The following CEP290 variants were observed in gnomAD, a reference collection of about 807,000 sequenced individuals.
The protein encoded by CEP290 is centrosomal protein of 290 kDa.
Under a neutral mutation model 344.9 loss-of-function variants are expected in CEP290, and 317 were observed. The ratio of observed to expected loss-of-function variants is 0.92; its 90% CI spans 0.84 to 1.01. CEP290 has a LOEUF of 1.01. Ranked by LOEUF, CEP290 falls within the 50% of genes least tolerant of loss-of-function variation. The pLI, the probability that CEP290 is intolerant of heterozygous loss-of-function variation, is 0.00. For synonymous variants in CEP290, 932 were observed against 895.8 expected, an observed-to-expected ratio of 1.04 and a Z score of -0.72; for missense variants, 2,754 against 2,761.4, an observed-to-expected ratio of 1.00 and a Z score of 0.06.
intron 27 of CEP290, 24 bp from the exon 28 acceptor site, chr12:88,093,999 A>G: frequency 6.6e-7 from 1 of 1,525,304 alleles, no homozygotes; most frequent in Non-Finnish European, 8.9e-7. Context: ...TATTTAAGTC[A>G]ATCTCATGCT....
rs551071701 is a variant in CEP290, at chr12:88,089,249, C to T, written c.3812G>A (p.Arg1271Gln). 32 of 1,613,890 alleles carry T rather than the reference C, an allele frequency of 2.0e-5. No individual in the cohort carries two copies. Among genetic ancestry groups the T allele is most frequent in the Admixed American group, 1.2e-4 (7 of 60,014 alleles). ...KHLRQTIQSLRRQFSGALPLA... is the reference protein window; with the variant it reads ...KHLRQTIQSLQRQFSGALPLA... ...GGGTAAAGCTCCACTAAACTGTCGT[C>T]GTAGAGACTGAATTGTTTGGCGCAG... Residue 1271 changes from arginine to glutamine, a missense_variant, in exon 31 of 54, where the codon CGA becomes CAA. Physicochemically the swap from Arg to Gln is conservative, Grantham distance 43 (BLOSUM62 1). Transcript: ENST00000552810.
chr12:88,091,262 C>G (rs527375854), intron 29 of CEP290, among the ~76,000 whole-genome samples: 2 of 152,068 alleles, frequency 1.3e-5, no homozygotes, highest in Non-Finnish European at 2.9e-5. Flanking sequence ...GTACATTTAT[C>G]TAAGACCATC....
intron 31 of CEP290, among the ~76,000 whole-genome samples, chr12:88,088,680 G>GT (rs1328475270): frequency 2.0e-5 from 3 of 152,064 alleles, no homozygotes; most frequent in Admixed American, 2.0e-4. Context: ...AAATTATCAT[G>GT]TAACTCTTTT....
At chr12:88,111,175 C>A in intron 22 of CEP290, 27 bp downstream of exon 22, 1 of 1,285,136 alleles carries the variant, frequency 7.8e-7, no homozygotes, top group South Asian at 2.1e-5. Flanking sequence ...GTAAAATTTT[C>A]AATACCTGTA....
At chr12:88,057,372 G>A (rs1057049885) in intron 49 of CEP290, among the ~76,000 whole-genome samples, 11 of 152,168 alleles carry the variant, frequency 7.2e-5, no homozygotes, top group African/African-American at 2.7e-4. Context: ...GTAAATATCT[G>A]TTGAATAAAT....
chr12:88,112,341 A>C (rs2038749032), intron 20 of CEP290, among the ~76,000 whole-genome samples: 1 of 152,200 alleles, frequency 6.6e-6, no homozygotes, highest in East Asian at 1.9e-4. Context: ...ATGGAATACA[A>C]TATTGAACAA....
At chr12:88,063,823 C>A (rs2034675318) in intron 45 of CEP290, among the ~76,000 whole-genome samples, 158 bp downstream of exon 45, 1 of 152,032 alleles carries the variant, frequency 6.6e-6, no homozygotes, top group Admixed American at 6.5e-5. Context: ...AGGCCTTCAA[C>A]AAATAAATGC....
At chr12:88,072,735 GC>G (rs1487121408) in intron 41 of CEP290, among the ~76,000 whole-genome samples, 2 of 152,064 alleles carry the variant, frequency 1.3e-5, no homozygotes, top group Non-Finnish European at 2.9e-5. Flanking sequence ...CTAACCATGT[GC>G]CAAGTACTAC....
At chr12:88,079,412 A>G (rs1454283906) in intron 38 of CEP290, among the ~76,000 whole-genome samples, 183 bp from the exon 39 acceptor site, 4 of 152,204 alleles carry the variant, frequency 2.6e-5, no homozygotes, top group Admixed American at 2.6e-4. Flanking sequence ...TTTTGTAATT[A>G]CACTCAATTC....
At chr12:88,055,792 CTG>C (rs1169227228) in intron 49 of CEP290, 75 bp from the exon 50 acceptor site, 5 of 1,035,342 alleles carry the variant, frequency 4.8e-6, no homozygotes, top group Non-Finnish European at 6.8e-6. Flanking sequence ...GTTCAAATAA[CTG>C]TACTAAAAAT....
chr12:88,121,696 G>A (rs1165407974), intron 13 of CEP290, among the ~76,000 whole-genome samples: 5 of 151,984 alleles, frequency 3.3e-5, no homozygotes, highest in African/African-American at 7.2e-5. Context: ...AATCCACATG[G>A]ATATGAGGGT....
At chr12:88,090,048 A>G (rs1002414716) in intron 30 of CEP290, among the ~76,000 whole-genome samples, 1 of 151,970 alleles carries the variant, frequency 6.6e-6, no homozygotes, top group Non-Finnish European at 1.5e-5. Flanking sequence ...TTTAACCTCC[A>G]TTGCAAGTAA....
At chr12:88,133,018 ATAAT>A (rs1469112063) in intron 6 of CEP290, among the ~76,000 whole-genome samples, 1 of 150,684 alleles carries the variant, frequency 6.6e-6, no homozygotes, top group Non-Finnish European at 1.5e-5. Flanking sequence ...TTTGCTGAGG[ATAAT>A]GGCTTCCACC....
In CEP290 at chr12:88,087,930, A is replaced by G. The variant is rs771298371; in HGVS notation, c.4044T>C (p.His1348=). 6.0e-6 allele frequency: 7 copies of G among 1,171,416 alleles called. No homozygotes were observed. The East Asian group carries it at 2.2e-4, about 37-fold the overall frequency. The allele number at this position is 1,171,416 out of a possible 1,614,324, so 72.6% of individuals were successfully genotyped here. A position where few individuals can be genotyped will look rare whatever the true frequency, so the allele number is the denominator to read the frequency against. ...TKGAQKVINW[H]MKIEELRLQE... is the part of the protein sequence containing the mutation. ...GAAGACGAAGTTCTTCTATTTTCAT[A>G]TGCCAGTTGATTACCTAAGATTTAC... The change falls in exon 32 of 54, where the codon CAT becomes CAC. Residue 1348 remains histidine (H), a synonymous_variant. Transcript: ENST00000552810.
At position 88,130,938 on chromosome 12, in the gene CEP290, A is replaced by C. The variant is rs541071508; in HGVS notation, c.495+227T>G. On this transcript the variant is annotated intron_variant, in intron 7 of 53. Coordinates refer to ENST00000552810, the MANE Select transcript of CEP290 (RefSeq NM_025114.4). ...AGCAAAGAATGGCTTATAAAACAAC[A>C]AAAAAAGATTTACCCGCATAGACCT... 1.1e-3 allele frequency among the ~76,000 whole-genome samples: 165 copies of C among 152,156 alleles called. 1 individual carries two copies. Among genetic ancestry groups the C allele is most frequent in the African/African-American group, 3.9e-3 (161 of 41,564 alleles).
chr12:88,084,276 G>A (rs1051955962), intron 35 of CEP290, among the ~76,000 whole-genome samples: 8 of 151,764 alleles, frequency 5.3e-5, no homozygotes, highest in Non-Finnish European at 7.4e-5. Context: ...ACTGATTACC[G>A]GTGTGATATA....
intron 21 of CEP290, 51 bp from the exon 22 acceptor site, chr12:88,111,402 AG>A (rs2038680134): frequency 6.7e-7 from 1 of 1,495,278 alleles, no homozygotes; most frequent in Admixed American, 2.5e-5. Flanking sequence ...ACCCAAAGAA[AG>A]ACAAATTGAC....
At chr12:88,131,512 C>T (rs974161970) in intron 6 of CEP290, among the ~76,000 whole-genome samples, 1 of 152,040 alleles carries the variant, frequency 6.6e-6, no homozygotes, top group Non-Finnish European at 1.5e-5. Flanking sequence ...ATCCATCTGC[C>T]TCAACCTCCC....
intron 22 of CEP290, among the ~76,000 whole-genome samples, chr12:88,110,227 G>T (rs992460633): frequency 1.3e-5 from 2 of 151,970 alleles, no homozygotes; most frequent in African/African-American, 4.8e-5. Context: ...TGATGTTATA[G>T]ATAGTCAAAT....
Sources: gnomAD v4.1 joint callset for allele counts (sites outside exome capture counted in the v4.1 genomes callset) on GRCh38, gnomAD v4.1.1 for gene constraint, MANE v1.5 for transcripts, NCBI Gene and HGNC (gene_info 2026-07-23, HGNC 2026-07-21) for gene names.